Variants in SNRNP70 observed in about 807,000 individuals in gnomAD.
SNRNP70 encodes U1 small nuclear ribonucleoprotein 70 kDa.
SNRNP70 carries 8 observed loss-of-function variants against 50.5 expected under a neutral mutation model. That is an observed-to-expected ratio of 0.16 (90% CI 0.09 to 0.29). The LOEUF (loss-of-function observed/expected upper bound fraction) is 0.29. SNRNP70 is among the 10% of genes least tolerant of loss of function. The pLI, the probability that SNRNP70 is intolerant of heterozygous loss-of-function variation, is 1.00. For synonymous variants in SNRNP70, 320 were observed against 252.9 expected (o/e 1.27, Z -2.52); for missense variants, 529 against 663.5 (o/e 0.80, Z 2.23).
rs1452440939 is a variant in SNRNP70 at position 49,090,452 on chromosome 19, C to G, written c.211-14C>G. On this transcript the variant is annotated splice_polypyrimidine_tract_variant and intron_variant, in intron 3 of 9. Coordinates refer to ENST00000598441, the MANE Select transcript of SNRNP70 (RefSeq NM_003089.6). ...ATCTGCATTCACTTCTCCACCTCCC[C>G]TTTCTCCTGACAGAGACGGGAAAAG... The G allele has an allele frequency of 1.2e-6, 2 of 1,614,134 alleles. No individual in the cohort carries two copies. The highest frequency in any genetic ancestry group is 1.7e-6 in the Non-Finnish European group (2 of 1,179,986).
intron 4 of SNRNP70, among the ~76,000 whole-genome samples, chr19:49,091,491 G>A (rs1022511845): frequency 3.3e-5 from 5 of 152,126 alleles, no homozygotes; most frequent in Admixed American, 1.3e-4. Context: ...GTAGTAACAC[G>A]CTTGGCCTCG....
rs1295622639 is a variant in SNRNP70, at chr19:49,086,390, T to A, written c.-10-15T>A. ...GACCCGATCTAACCTAAGGCTGTCC[T>A]GCTTCTGCTCTCAGACTTGGCAAGA... On this transcript the variant is annotated splice_polypyrimidine_tract_variant and intron_variant, in intron 1 of 9. Coordinates refer to ENST00000598441, the MANE Select transcript of SNRNP70 (RefSeq NM_003089.6). 5 of 1,609,440 alleles carry A rather than the reference T, an allele frequency of 3.1e-6. No homozygotes were observed. The highest frequency in any genetic ancestry group is 1.7e-4 in the Middle Eastern group (1 of 6,026).
At chr19:49,095,170 C>G (rs546115598) in intron 4 of SNRNP70, among the ~76,000 whole-genome samples, 16 of 152,238 alleles carry the variant, frequency 1.1e-4, no homozygotes, top group Admixed American at 7.9e-4. Flanking sequence ...GTGGCCCCCC[C>G]ACCCCGGGTA....
chr19:49,094,243 G>C (rs1353586567), intron 4 of SNRNP70, among the ~76,000 whole-genome samples: 1 of 151,484 alleles, frequency 6.6e-6, no homozygotes, highest in East Asian at 2.0e-4. Flanking sequence ...GGTGGTTCAC[G>C]CCTGTAATCC....
At chr19:49,086,584 G>A (rs2040382779) in intron 2 of SNRNP70, 23 bp downstream of exon 2, 1 of 1,611,934 alleles carries the variant, frequency 6.2e-7, no homozygotes. Flanking sequence ...AGCAGGCCAG[G>A]AATGGTTTGG....
intron 6 of SNRNP70, 22 bp from the exon 7 acceptor site, chr19:49,101,368 C>G (rs2040583406): frequency 9.4e-6 from 15 of 1,602,456 alleles, no homozygotes; most frequent in Non-Finnish European, 1.3e-5. Flanking sequence ...AGGACTCACC[C>G]CTGTCCCCAT....
At chr19:49,097,762 T>C (rs2040531286) in intron 4 of SNRNP70, among the ~76,000 whole-genome samples, 1 of 152,308 alleles carries the variant, frequency 6.6e-6, no homozygotes, top group African/African-American at 2.4e-5. Flanking sequence ...CTCTTTTCTT[T>C]GGAGATTGTT....
At chr19:49,106,789 CATCT>C (rs1033697507) in intron 8 of SNRNP70, among the ~76,000 whole-genome samples, 2 of 152,134 alleles carry the variant, frequency 1.3e-5, no homozygotes, top group Non-Finnish European at 2.9e-5. Context: ...TGGGGCTGTT[CATCT>C]ATCTATTCAC....
At chr19:49,093,495 ATGGTGAAACCC>A (rs1016021200) in intron 4 of SNRNP70, among the ~76,000 whole-genome samples, 4 of 151,560 alleles carry the variant, frequency 2.6e-5, no homozygotes, top group African/African-American at 9.7e-5. Context: ...CCTGGCCAAC[ATGGTGAAACCC>A]TGTTTCTGCT....
chr19:49,087,984 C>T lies in SNRNP70; in HGVS notation c.147+1423C>T, dbSNP rs374203637. On this transcript the variant is annotated intron_variant, in intron 2 of 9. Transcript: ENST00000598441. ...GCGTGATTTTAGCCAACTGCAGCCTCCGGTTCAAGCAGTTCTCCTGCCTCA... is the reference window on the plus strand; with the variant it reads ...GCGTGATTTTAGCCAACTGCAGCCTTCGGTTCAAGCAGTTCTCCTGCCTCA... 7.2e-5 allele frequency among the ~76,000 whole-genome samples: 11 copies of T among 152,080 alleles called. No individual in the cohort carries two copies. In the East Asian group the frequency reaches 2.1e-3, roughly 29 times the overall value.
intron 8 of SNRNP70, among the ~76,000 whole-genome samples, chr19:49,105,976 T>C (rs542062584): frequency 5.9e-5 from 9 of 152,292 alleles, no homozygotes; most frequent in African/African-American, 2.2e-4. Flanking sequence ...GGCATGCTTA[T>C]TGAGGACTGA....
chr19:49,096,189 C>G (rs2040511137), intron 4 of SNRNP70, among the ~76,000 whole-genome samples: 1 of 151,860 alleles, frequency 6.6e-6, no homozygotes, highest in South Asian at 2.1e-4. Context: ...TCCCGAGTAG[C>G]TGGGACTATA....
At chr19:49,094,998 C>G (rs973765890) in intron 4 of SNRNP70, among the ~76,000 whole-genome samples, 4 of 152,258 alleles carry the variant, frequency 2.6e-5, no homozygotes, top group Admixed American at 1.3e-4. Context: ...CCAGTGATGT[C>G]CTGAGGGAGA....
At position 49,108,524 on chromosome 19, in the gene SNRNP70, C is replaced by T. The variant is rs553331123; in HGVS notation, c.*81C>T. Reference sequence around the variant, plus strand: ...TGTCATCCCCTCCCCCAACCTTGGCCACTTGAGTTTGTCCTCCAAGGGTAG... The same window carrying T: ...TGTCATCCCCTCCCCCAACCTTGGCTACTTGAGTTTGTCCTCCAAGGGTAG... On this transcript the variant is annotated 3_prime_UTR_variant, in exon 10 of 10. Transcript: ENST00000598441. The T allele has an allele frequency of 3.4e-5, 52 of 1,508,744 alleles. No individual in the cohort carries two copies. In the South Asian group the frequency reaches 6.1e-4, roughly 18 times the overall value. The allele number at this position is 1,508,744 out of a possible 1,614,324, so 93.5% of individuals were successfully genotyped here. A position where few individuals can be genotyped will look rare whatever the true frequency, so the allele number is the denominator to read the frequency against.
chr19:49,088,957 C>T (rs1568417258), intron 2 of SNRNP70, among the ~76,000 whole-genome samples: 1 of 152,182 alleles, frequency 6.6e-6, no homozygotes, highest in African/African-American at 2.4e-5. Flanking sequence ...GCCATCACTC[C>T]ACTCCCATCA....
chr19:49,102,352 C>G (rs184320286), intron 7 of SNRNP70: 5 of 339,254 alleles, frequency 1.5e-5, no homozygotes, highest in Non-Finnish European at 3.0e-5. Context: ...TGCCCCGATC[C>G]GTATGCTCTC....
chr19:49,105,015 T>C (rs1221721370), intron 8 of SNRNP70, among the ~76,000 whole-genome samples: 1 of 152,164 alleles, frequency 6.6e-6, no homozygotes, highest in Non-Finnish European at 1.5e-5. Context: ...TCCTGCCTCA[T>C]TGTACTCCTC....
intron 7 of SNRNP70, chr19:49,102,040 TG>T: frequency 2.1e-6 from 1 of 479,286 alleles, no homozygotes; most frequent in Non-Finnish European, 2.9e-6. Flanking sequence ...CAGGGATGGG[TG>T]GGGGAGGGTG....
chr19:49,105,619 C>T (rs1019838108), intron 8 of SNRNP70, among the ~76,000 whole-genome samples: 1 of 151,960 alleles, frequency 6.6e-6, no homozygotes, highest in Non-Finnish European at 1.5e-5. Flanking sequence ...CCCATCTACT[C>T]GGGAGGCTGA....
Sources: allele counts gnomAD v4.1 joint callset (sites outside exome capture counted in the v4.1 genomes callset), GRCh38; gene constraint gnomAD v4.1.1; transcripts MANE v1.5; gene names NCBI Gene and HGNC (gene_info 2026-07-23, HGNC 2026-07-21).